The following PIGF variants were observed in gnomAD, a reference collection of about 807,000 sequenced individuals.
PIGF encodes GPI ethanolamine phosphate transferase, stabilizing subunit.
A neutral mutation model predicts 26.0 loss-of-function variants in PIGF; 23 were observed. The observed-to-expected ratio is 0.88, with a 90% confidence interval of 0.64 to 1.25. The LOEUF is 1.25. PIGF is among the 50% of genes most tolerant of loss of function. The probability of loss-of-function intolerance (pLI) is 0.00; values close to 1 mark genes in which losing one functional copy is unlikely to be tolerated. For synonymous variants in PIGF, 93 were observed against 92.6 expected (o/e 1.00, Z -0.03); for missense variants, 278 against 249.9 (o/e 1.11, Z -0.76).
At chr2:46,597,917 T>G (rs552997813) in intron 4 of PIGF, among the ~76,000 whole-genome samples, 1 of 152,218 alleles carries the variant, frequency 6.6e-6, no homozygotes, top group African/African-American at 2.4e-5. Context: ...GCTGAAAATA[T>G]ATGGGCCTTC....
At position 46,589,751 on chromosome 2, in the gene PIGF, A is replaced by G. The variant is rs1160764678; in HGVS notation, c.546+2724T>C. Among the ~76,000 whole-genome samples the G allele has an allele frequency of 1.3e-5, 2 of 152,044 alleles. No homozygotes were observed. Among genetic ancestry groups the G allele is most frequent in the African/African-American group, 2.4e-5 (1 of 41,430 alleles). On this transcript the variant is annotated intron_variant, in intron 5 of 5. Transcript: ENST00000281382. The surrounding 1 kb of genome is among the most constrained non-coding windows in gnomAD (Gnocchi z 4.7). ...GCTCTAACAACATCTCCACTTTTAG[A>G]AAATGCCATATTCCCTTATCTGATT...
chr2:46,600,119 C>A (rs1417685909), intron 4 of PIGF, among the ~76,000 whole-genome samples: 1 of 152,234 alleles, frequency 6.6e-6, no homozygotes, highest in Non-Finnish European at 1.5e-5. Flanking sequence ...AAGGCTTACG[C>A]CTCCTCTTAG....
chr2:46,589,809 G>T lies in PIGF; in HGVS notation c.546+2666C>A, dbSNP rs1669673795. ...TCTCTGGGAGATGCTGTTCTGTGGA[G>T]TTAGAATTATTAAAAAATAACAATA... On this transcript the variant is annotated intron_variant, in intron 5 of 5. Coordinates refer to ENST00000281382, the MANE Select transcript of PIGF (RefSeq NM_002643.4). This position sits in a 1 kb window ranked among gnomAD's most constrained non-coding sequence, Gnocchi z 4.7. Among the ~76,000 whole-genome samples, 1 of 151,646 alleles carries T rather than the reference G, an allele frequency of 6.6e-6. No homozygotes were observed. Among genetic ancestry groups the T allele is most frequent in the Non-Finnish European group, 1.5e-5 (1 of 67,858 alleles).
At chr2:46,602,797 G>A (rs1360333601) in intron 4 of PIGF, among the ~76,000 whole-genome samples, 1 of 151,766 alleles carries the variant, frequency 6.6e-6, no homozygotes, top group Non-Finnish European at 1.5e-5. Context: ...CATGTATTTT[G>A]TACAATCTCC....
At chr2:46,601,406 A>G (rs1670050476) in intron 4 of PIGF, among the ~76,000 whole-genome samples, 2 of 152,150 alleles carry the variant, frequency 1.3e-5, no homozygotes, top group Admixed American at 6.5e-5. Flanking sequence ...AGTGCCTACT[A>G]CGTGCCAGAC....
chr2:46,596,125 A>C (rs1334468776), intron 4 of PIGF, among the ~76,000 whole-genome samples: 1 of 151,886 alleles, frequency 6.6e-6, no homozygotes, highest in Non-Finnish European at 1.5e-5. Context: ...GAGAACGGAG[A>C]ATCGCTTGAA....
intron 4 of PIGF, among the ~76,000 whole-genome samples, chr2:46,596,472 C>T (rs2104092617): frequency 6.6e-6 from 1 of 152,076 alleles, no homozygotes; most frequent in Non-Finnish European, 1.5e-5. Flanking sequence ...TAGAAAAACT[C>T]TGTAGCTTGT....
chr2:46,609,795 G>A (rs1459368368), intron 4 of PIGF, among the ~76,000 whole-genome samples: 3 of 152,106 alleles, frequency 2.0e-5, no homozygotes, highest in Non-Finnish European at 4.4e-5. Context: ...CATCTTATAT[G>A]GGTATGAGCC....
intron 4 of PIGF, among the ~76,000 whole-genome samples, chr2:46,601,852 T>C (rs1465160133): frequency 1.3e-5 from 2 of 151,984 alleles, no homozygotes; most frequent in Non-Finnish European, 2.9e-5. Context: ...ATCACTACTC[T>C]TGGCAAGATT....
At chr2:46,598,569 G>GT (rs142434392) in intron 4 of PIGF, among the ~76,000 whole-genome samples, 1,822 of 118,366 alleles carry the variant, frequency 0.015, 41 homozygotes, top group African/African-American at 0.062. Flanking sequence ...ATCAGCTATC[G>GT]TGAGTGTTAA....
chr2:46,609,844 A>G lies in PIGF; in HGVS notation c.437+2384T>C, dbSNP rs563411248. On this transcript the variant is annotated intron_variant, in intron 4 of 5. Coordinates refer to ENST00000281382, the MANE Select transcript of PIGF (RefSeq NM_002643.4). ...ACAATTACAAAAAGTAACAGCAAAGACCACAGATCACCATAATAGATATAA... is the reference window on the plus strand; with the variant it reads ...ACAATTACAAAAAGTAACAGCAAAGGCCACAGATCACCATAATAGATATAA... Among the ~76,000 whole-genome samples, 62 of 152,234 alleles carry G rather than the reference A, an allele frequency of 4.1e-4. 1 individual carries two copies. The highest frequency in any genetic ancestry group is 1.5e-3 in the African/African-American group (61 of 41,526).
At chr2:46,584,143 T>C (rs1669492438) in intron 5 of PIGF, among the ~76,000 whole-genome samples, 1 of 152,208 alleles carries the variant, frequency 6.6e-6, no homozygotes, top group African/African-American at 2.4e-5. Context: ...GTTTGTTGGT[T>C]GTTACTTTTA....
intron 4 of PIGF, among the ~76,000 whole-genome samples, chr2:46,599,933 G>T (rs1176459421): frequency 6.6e-6 from 1 of 152,166 alleles, no homozygotes; most frequent in Non-Finnish European, 1.5e-5. Flanking sequence ...TCTTGAAGCT[G>T]CCTTTTGAGG....
rs1340131112 is a variant in PIGF at position 46,614,967 on chromosome 2, T to C, written c.198A>G (p.Thr66=). ...LVLYLVVKPN[T]SSKRSSLSHK... The stretch of plus-strand genomic sequence containing the variant: ...GTGATAATGAACTTCTTTTAGAGGA[T>C]GTATTTGGTTTCACTACTAAATATA... The change falls in exon 2 of 6, where the codon ACA becomes ACG. Residue 66 remains threonine (T), a synonymous_variant. Coordinates refer to ENST00000281382, the MANE Select transcript of PIGF (RefSeq NM_002643.4). 1 of 1,575,496 alleles carries C rather than the reference T, an allele frequency of 6.3e-7. No individual in the cohort carries two copies. The highest frequency in any genetic ancestry group is 1.3e-5 in the African/African-American group (1 of 74,160).
intron 4 of PIGF, among the ~76,000 whole-genome samples, chr2:46,606,170 T>C (rs1670215395): frequency 6.6e-6 from 1 of 152,222 alleles, no homozygotes; most frequent in Non-Finnish European, 1.5e-5. Context: ...GACTAGGTAG[T>C]ACACTAATGT....
chr2:46,598,744 C>A (rs540569700), intron 4 of PIGF, among the ~76,000 whole-genome samples: 1 of 152,062 alleles, frequency 6.6e-6, no homozygotes, highest in African/African-American at 2.4e-5. Context: ...TGAAATGTCC[C>A]AAAATTAGAT....
chr2:46,585,851 G>A (rs533470071), intron 5 of PIGF, among the ~76,000 whole-genome samples: 11 of 152,022 alleles, frequency 7.2e-5, no homozygotes, highest in Admixed American at 4.6e-4. Context: ...TCGGCTCACT[G>A]CAAGCTCCGC....
At chr2:46,598,572 AGTGTTAATGTATT>A (rs1669961910) in intron 4 of PIGF, among the ~76,000 whole-genome samples, 1 of 115,458 alleles carries the variant, frequency 8.7e-6, no homozygotes, top group Admixed American at 1.1e-4. Flanking sequence ...AGCTATCGTG[AGTGTTAATGTATT>A]GCATGTGTGG....
intron 5 of PIGF, chr2:46,583,104 T>C (rs1159652786): frequency 6.6e-6 from 1 of 152,222 alleles, no homozygotes; most frequent in East Asian, 1.9e-4. Context: ...AGTAAACTAT[T>C]ACACATTTCC....
Sources: allele counts gnomAD v4.1 joint callset (sites outside exome capture counted in the v4.1 genomes callset), GRCh38; gene constraint gnomAD v4.1.1; non-coding constraint Gnocchi (gnomAD v3.1); transcripts MANE v1.5; gene names NCBI Gene and HGNC (gene_info 2026-07-23, HGNC 2026-07-21).